The following ELMO1 variants were observed in gnomAD, a reference collection of about 807,000 sequenced individuals.
The protein encoded by ELMO1 is engulfment and cell motility 1.
In ELMO1, 26 loss-of-function variants were observed where a neutral mutation model predicts 98.9. That is an observed-to-expected ratio of 0.26 (90% CI 0.19 to 0.36). The LOEUF is 0.36. Ranked by LOEUF, ELMO1 falls within the 10% of genes least tolerant of loss-of-function variation. The probability of loss-of-function intolerance (pLI) is 1.00; values close to 1 mark genes in which losing one functional copy is unlikely to be tolerated. For missense variants in ELMO1, 627 were observed against 935.2 expected (o/e 0.67, Z 4.30); for synonymous variants, 346 against 346.0 (o/e 1.00, Z 0.00).
At chr7:37,165,456 T>A (rs1188976567) in intron 13 of ELMO1, among the ~76,000 whole-genome samples, 1 of 152,134 alleles carries the variant, frequency 6.6e-6, no homozygotes, top group East Asian at 1.9e-4. Context: ...CCATTCAGTA[T>A]GATATTGGCT....
intron 1 of ELMO1, among the ~76,000 whole-genome samples, chr7:37,437,012 T>C (rs1805178995): frequency 6.6e-6 from 1 of 152,176 alleles, no homozygotes; most frequent in Non-Finnish European, 1.5e-5. Context: ...CAATGAACAT[T>C]TCAACAGTCC....
chr7:37,240,713 T>G (rs549663028), intron 7 of ELMO1, among the ~76,000 whole-genome samples: 1 of 152,342 alleles, frequency 6.6e-6, no homozygotes, highest in East Asian at 1.9e-4. Context: ...TAATTTCAAC[T>G]GAGTTATTCC....
chr7:37,098,373 G>T (rs185336382), intron 14 of ELMO1, among the ~76,000 whole-genome samples: 1 of 152,186 alleles, frequency 6.6e-6, no homozygotes, highest in Non-Finnish European at 1.5e-5. Flanking sequence ...ACAGTTTATC[G>T]CAAGTGCTAT....
intron 15 of ELMO1, among the ~76,000 whole-genome samples, chr7:37,073,661 G>C (rs1481435746): frequency 6.6e-6 from 1 of 151,514 alleles, no homozygotes; most frequent in African/African-American, 2.4e-5. Context: ...CGGTGGCACT[G>C]TATCCTTCAC....
chr7:37,096,727 T>C lies in ELMO1; in HGVS notation c.1192A>G (p.Ile398Val), dbSNP rs753132165. ...TCTCGACTACTGTTCTCAAGCACAA[T>C]CTGTAATGGGAAAGGGAACAGATTA... ...AKHHQDAYIRIVLENSSREDK... is the reference protein window; with the variant it reads ...AKHHQDAYIRVVLENSSREDK... Residue 398 changes from isoleucine to valine, a missense_variant and splice_region_variant, in exon 15 of 22, where the codon ATT (isoleucine) becomes GTT (valine). Physicochemically the swap from Ile to Val is conservative, Grantham distance 29. Transcript: ENST00000310758. 2 of 1,613,458 alleles carry C rather than the reference T, an allele frequency of 1.2e-6. No homozygotes were observed.
chr7:37,142,918 T>C (rs899572183), intron 13 of ELMO1, among the ~76,000 whole-genome samples: 10 of 152,198 alleles, frequency 6.6e-5, no homozygotes, highest in Admixed American at 4.6e-4. Flanking sequence ...TCAAGAGTTA[T>C]CAATCTTCTT....
At chr7:36,857,358 A>G (rs1228326825) in intron 21 of ELMO1, among the ~76,000 whole-genome samples, 1 of 151,446 alleles carries the variant, frequency 6.6e-6, no homozygotes, top group African/African-American at 2.4e-5. Context: ...TAGGGTGAGG[A>G]GACTTTGCTT....
At position 37,274,200 on chromosome 7, in the gene ELMO1, T is replaced by C. The variant is rs1796711699; in HGVS notation, c.193-2318A>G. 2.6e-5 allele frequency among the ~76,000 whole-genome samples: 4 copies of C among 152,222 alleles called. No homozygotes were observed. In the South Asian group the frequency reaches 8.3e-4, roughly 32 times the overall value. ...TTCAAGTCATTTTTAAAATCTCTTT[T>C]CAACTCTAAAATTCTATGACTCTGT... On this transcript the variant is annotated intron_variant, in intron 4 of 21. Transcript: ENST00000310758.
At chr7:37,323,153 T>C (rs1323565098) in intron 2 of ELMO1, among the ~76,000 whole-genome samples, 1 of 152,194 alleles carries the variant, frequency 6.6e-6, no homozygotes, top group Non-Finnish European at 1.5e-5. Context: ...TCCGGGGAAA[T>C]TTTAACATTT....
intron 12 of ELMO1, 137 bp from the exon 13 acceptor site, chr7:37,211,654 A>C (rs1792982224): frequency 8.3e-7 from 1 of 1,205,852 alleles, no homozygotes; most frequent in Non-Finnish European, 1.1e-6. Context: ...ATAAAAGAGA[A>C]CCAATGTTCT....
intron 14 of ELMO1, among the ~76,000 whole-genome samples, chr7:37,114,489 G>T (rs1785444697): frequency 6.6e-6 from 1 of 152,134 alleles, no homozygotes; most frequent in Admixed American, 6.5e-5. Flanking sequence ...TTGAGCCAGA[G>T]ACTTTAGTCA....
chr7:37,157,457 AC>A (rs1788864177), intron 13 of ELMO1, among the ~76,000 whole-genome samples: 1 of 152,210 alleles, frequency 6.6e-6, no homozygotes, highest in African/African-American at 2.4e-5. Flanking sequence ...CTGATAAGCA[AC>A]TTCAGCAAAG....
At chr7:37,332,483 A>G (rs1368775322) in intron 2 of ELMO1, among the ~76,000 whole-genome samples, 1 of 152,254 alleles carries the variant, frequency 6.6e-6, no homozygotes, top group African/African-American at 2.4e-5. Flanking sequence ...CTACACAGCA[A>G]GCACCCTCAT....
chr7:37,005,560 C>T (rs957984726), intron 16 of ELMO1, among the ~76,000 whole-genome samples: 1 of 151,808 alleles, frequency 6.6e-6, no homozygotes, highest in African/African-American at 2.4e-5. Context: ...GGCCTCGTGG[C>T]GGGCGCCTGT....
intron 1 of ELMO1, among the ~76,000 whole-genome samples, chr7:37,403,401 A>G (rs1321698906): frequency 1.3e-5 from 2 of 152,168 alleles, no homozygotes; most frequent in African/African-American, 4.8e-5. Context: ...CTCTGAAAAA[A>G]AATCACTGGT....
chr7:37,005,107 C>CAA (rs35665315), intron 16 of ELMO1, among the ~76,000 whole-genome samples: 3,415 of 37,864 alleles, frequency 0.09, 292 homozygotes, highest in Middle Eastern at 0.17. Context: ...GGCTCTGTCT[C>CAA]AAAAAAAAAA....
At chr7:37,187,240 T>C (rs1267892681) in intron 13 of ELMO1, among the ~76,000 whole-genome samples, 1 of 152,170 alleles carries the variant, frequency 6.6e-6, no homozygotes, top group Non-Finnish European at 1.5e-5. Flanking sequence ...TTCATTTATA[T>C]GAAACATCCA....
intron 16 of ELMO1, among the ~76,000 whole-genome samples, chr7:36,975,181 T>C (rs1790416390): frequency 6.6e-6 from 1 of 152,200 alleles, no homozygotes; most frequent in Non-Finnish European, 1.5e-5. Flanking sequence ...GATGAAATTT[T>C]TCATCAGGCC....
At chr7:37,030,140 G>A (rs1794798086) in intron 15 of ELMO1, among the ~76,000 whole-genome samples, 1 of 152,090 alleles carries the variant, frequency 6.6e-6, no homozygotes, top group African/African-American at 2.4e-5. Context: ...ACTAAGGAGA[G>A]ACCATTTTAG....
Sources: allele counts gnomAD v4.1 joint callset (sites outside exome capture counted in the v4.1 genomes callset), GRCh38; gene constraint gnomAD v4.1.1; transcripts MANE v1.5; gene names NCBI Gene and HGNC (gene_info 2026-07-23, HGNC 2026-07-21).